The following LRRC9 variants were observed in gnomAD, a reference collection of about 807,000 sequenced individuals.
The protein encoded by LRRC9 is leucine rich repeat containing 9.
In LRRC9, 122 loss-of-function variants were observed where a neutral mutation model predicts 63.2. The observed-to-expected ratio is 1.93, with a 90% CI of 1.67 to 2.24. The LOEUF is 2.24. LRRC9 is among the 30% of genes most tolerant of loss of function. The pLI is 0.00. For missense variants in LRRC9, 1,071 were observed against 627.7 expected (o/e 1.71, Z -7.55); for synonymous variants, 366 against 213.1 (o/e 1.72, Z -6.25).
rs553258332 is a variant in LRRC9, at chr14:59,921,769, A to G, written c.-34+1886A>G. Among the ~76,000 whole-genome samples the G allele has an allele frequency of 3.6e-5, 5 of 137,696 alleles. No individual in the cohort carries two copies. In the South Asian group the frequency reaches 6.9e-4, roughly 19 times the overall value. The allele number at this position is 137,696 out of a possible 152,430, so 90.3% of individuals were successfully genotyped here. On this transcript the variant is annotated intron_variant, in intron 1 of 31. Transcript: ENST00000445360. ...GAAAAGAAGATAAGGATTTTTCACCATGAAGAAAACAATTGGTTTGAAAAG... is the reference window on the plus strand; with the variant it reads ...GAAAAGAAGATAAGGATTTTTCACCGTGAAGAAAACAATTGGTTTGAAAAG...
At chr14:59,944,471 C>T (rs1882122935) in intron 7 of LRRC9, 118 bp from the exon 8 acceptor site, 4 of 413,176 alleles carry the variant, frequency 9.7e-6, no homozygotes, top group Non-Finnish European at 4.3e-6. Context: ...TTATTAGTAA[C>T]TAAGCATGCA....
exon 32 of LRRC9, chr14:60,063,520 C>T (rs140172665): frequency 3.9e-6 from 2 of 514,626 alleles, no homozygotes; most frequent in Non-Finnish European, 6.9e-6. Flanking sequence ...ATCTATTACC[C>T]TTCATGAACT....
chr14:59,981,973 C>T, exon 16 of LRRC9: 1 of 702,568 alleles, frequency 1.4e-6, no homozygotes, highest in East Asian at 2.7e-5. Flanking sequence ...AAATGGAGCC[C>T]AGAATCAAGG....
At chr14:60,011,580 T>G (rs940989047) in intron 23 of LRRC9, among the ~76,000 whole-genome samples, 1 of 152,224 alleles carries the variant, frequency 6.6e-6, no homozygotes, top group South Asian at 2.1e-4. Flanking sequence ...GTTTGCATTT[T>G]ACTATTTGAT....
At chr14:59,961,715 T>A (rs1219640591) in intron 10 of LRRC9, among the ~76,000 whole-genome samples, 1 of 152,208 alleles carries the variant, frequency 6.6e-6, no homozygotes. Flanking sequence ...TACTAGTAGA[T>A]ACTAGGAAGT....
chr14:60,064,108 C>A (rs117133775), downstream of LRRC9, among the ~76,000 whole-genome samples: 516 of 152,270 alleles, frequency 3.4e-3, 18 homozygotes, highest in East Asian at 0.058. Flanking sequence ...TAGTTTCAGG[C>A]TGAAGAGAAC....
chr14:59,956,555 G>C (rs2139943912), intron 8 of LRRC9, among the ~76,000 whole-genome samples: 1 of 152,272 alleles, frequency 6.6e-6, no homozygotes, highest in South Asian at 2.1e-4. Context: ...GGGGTCTCCT[G>C]AATACAGAAC....
At chr14:59,975,028 T>A (rs1302190836) in intron 13 of LRRC9, among the ~76,000 whole-genome samples, 1 of 66,380 alleles carries the variant, frequency 1.5e-5, no homozygotes, top group Non-Finnish European at 3.4e-5. Context: ...TATATATGTG[T>A]CACAGCATAT....
At chr14:59,928,415 A>G (rs751635591) in exon 3 of LRRC9, 3 of 697,910 alleles carry the variant, frequency 4.3e-6, no homozygotes, top group African/African-American at 1.8e-5. Flanking sequence ...TGCTCAAGAT[A>G]TAAAAGAAAT....
At chr14:60,059,704 G>A (rs1894530389) in intron 31 of LRRC9, among the ~76,000 whole-genome samples, 1 of 152,194 alleles carries the variant, frequency 6.6e-6, no homozygotes, top group Non-Finnish European at 1.5e-5. Context: ...GCTGAAAGTG[G>A]TGAGAAAGCT....
chr14:60,029,233 G>A (rs759044853), intron 28 of LRRC9, among the ~76,000 whole-genome samples: 13 of 151,982 alleles, frequency 8.6e-5, no homozygotes, highest in African/African-American at 1.7e-4. Context: ...GATCTTACCT[G>A]GTATCAAGCT....
intron 8 of LRRC9, among the ~76,000 whole-genome samples, chr14:59,952,206 G>A (rs1271397462): frequency 4.6e-5 from 7 of 151,850 alleles, no homozygotes; most frequent in Admixed American, 6.6e-5. Context: ...CTCGTGGTGC[G>A]CCGTTTTTTA....
At chr14:60,008,850 T>C (rs1187672411) in intron 23 of LRRC9, among the ~76,000 whole-genome samples, 1 of 152,146 alleles carries the variant, frequency 6.6e-6, no homozygotes, top group Non-Finnish European at 1.5e-5. Flanking sequence ...TTCTAGAAAA[T>C]TGAAAGATAG....
rs202024515 is a variant in LRRC9 at position 59,938,848 on chromosome 14, T to A, written c.726+276T>A. On this transcript the variant is annotated intron_variant, in intron 7 of 31. Coordinates refer to ENST00000445360, the Ensembl canonical transcript of LRRC9. The surrounding 1 kb of genome is among the most constrained non-coding windows in gnomAD (Gnocchi z 4.2). ...AAGAAGGAAATTGAAAAAAAATCAG[T>A]GTTAAAAATAGACTAGTGCCATATA... 1.8e-4 allele frequency among the ~76,000 whole-genome samples: 22 copies of A among 119,328 alleles called. No homozygotes were observed. The East Asian group carries it at 7.4e-3, about 40-fold the overall frequency. 78.3% of individuals were successfully genotyped at this position (119,328 alleles called of 152,430 possible).
At chr14:60,015,941 A>T (rs945293279) in intron 23 of LRRC9, among the ~76,000 whole-genome samples, 13 of 152,138 alleles carry the variant, frequency 8.5e-5, no homozygotes, top group African/African-American at 3.1e-4. Context: ...ATTTAGCAGG[A>T]GTAGGCTTGT....
At chr14:60,043,463 T>C (rs1321887498) in intron 29 of LRRC9, among the ~76,000 whole-genome samples, 2 of 152,238 alleles carry the variant, frequency 1.3e-5, no homozygotes, top group East Asian at 1.9e-4. Flanking sequence ...TCTTGAGGTA[T>C]GTTCCTTCTA....
intron 8 of LRRC9, among the ~76,000 whole-genome samples, chr14:59,950,565 G>A (rs150675): frequency 0.095 from 3,814 of 40,082 alleles, 41 homozygotes; most frequent in East Asian, 0.13. Context: ...GATTTTGCTC[G>A]TTAGTTGATG....
At chr14:59,967,743 G>A (rs1451695973) in intron 12 of LRRC9, among the ~76,000 whole-genome samples, 1 of 152,158 alleles carries the variant, frequency 6.6e-6, no homozygotes, top group Non-Finnish European at 1.5e-5. Flanking sequence ...GTAGCACACT[G>A]GTGTAGAGCA....
At position 59,962,846 on chromosome 14, in the gene LRRC9, G is replaced by A. The variant is rs1179384123; in HGVS notation, c.1211+1801G>A. On this transcript the variant is annotated intron_variant, in intron 10 of 31. Coordinates refer to ENST00000445360, the Ensembl canonical transcript of LRRC9. The surrounding 1 kb of genome is among the most constrained non-coding windows in gnomAD (Gnocchi z 5.1). ...TTTAGATAACTATGTCAGCCTGATA[G>A]TAAATTAGATAGCTTTGATGGATTT... 6.6e-6 allele frequency among the ~76,000 whole-genome samples: 1 copy of A among 151,864 alleles called. No individual in the cohort carries two copies. The highest frequency in any genetic ancestry group is 1.5e-5 in the Non-Finnish European group (1 of 67,998).
Sources: allele counts gnomAD v4.1 joint callset (sites outside exome capture counted in the v4.1 genomes callset), GRCh38; gene constraint gnomAD v4.1.1; non-coding constraint Gnocchi (gnomAD v3.1); transcripts MANE v1.5; gene names NCBI Gene and HGNC (gene_info 2026-07-23, HGNC 2026-07-21).